The following GPR63 variants were observed in gnomAD, a reference collection of about 807,000 sequenced individuals.
GPR63 encodes the protein probable G protein-coupled receptor 63.
In GPR63, 12 loss-of-function variants were observed where a neutral mutation model predicts 23.1. The ratio of observed to expected loss-of-function variants is 0.52; its 90% CI spans 0.33 to 0.84. The LOEUF (loss-of-function observed/expected upper bound fraction) is 0.84, where lower values mean the gene tolerates loss of function less well. GPR63 is among the 40% of genes least tolerant of loss of function. The pLI is 0.02. For synonymous variants in GPR63, 172 were observed against 191.1 expected, an observed-to-expected ratio of 0.90 and a Z score of 0.82; for missense variants, 472 against 515.6, an observed-to-expected ratio of 0.92 and a Z score of 0.82.
intron 1 of GPR63, among the ~76,000 whole-genome samples, chr6:96,823,127 T>A (rs1012562345): frequency 1.3e-5 from 2 of 152,216 alleles, no homozygotes; most frequent in African/African-American, 4.8e-5. Context: ...ACAAACATAA[T>A]AAAGGATGTT....
chr6:96,814,233 T>C (rs1166773534), intron 1 of GPR63, among the ~76,000 whole-genome samples: 1 of 152,092 alleles, frequency 6.6e-6, no homozygotes. Context: ...AAGGAAACTA[T>C]GTAACTTGCC....
intron 1 of GPR63, among the ~76,000 whole-genome samples, chr6:96,804,122 T>C (rs777545212): frequency 3.9e-5 from 6 of 152,216 alleles, no homozygotes; most frequent in Non-Finnish European, 7.3e-5. Context: ...TGGAGTGTTT[T>C]ATATTTGGAG....
chr6:96,830,376 T>C (rs923628818), intron 1 of GPR63, among the ~76,000 whole-genome samples: 1 of 152,220 alleles, frequency 6.6e-6, no homozygotes, highest in African/African-American at 2.4e-5. Flanking sequence ...AAAATTTACC[T>C]GTTTAACCTA....
intron 1 of GPR63, among the ~76,000 whole-genome samples, chr6:96,808,291 C>T (rs966913017): frequency 1.3e-5 from 2 of 151,986 alleles, no homozygotes; most frequent in Non-Finnish European, 2.9e-5. Flanking sequence ...ATGAAAAATA[C>T]AAATACTTTT....
intron 1 of GPR63, among the ~76,000 whole-genome samples, chr6:96,801,044 C>T (rs1582246570): frequency 1.3e-5 from 2 of 152,036 alleles, no homozygotes; most frequent in Non-Finnish European, 1.5e-5. Flanking sequence ...TTTTTCCTTC[C>T]GTAGGTCTTT....
chr6:96,798,869 G>C lies in GPR63; in HGVS notation c.863C>G (p.Ala288Gly), dbSNP rs1773670029. 2 of 1,614,180 alleles carry C rather than the reference G, an allele frequency of 1.2e-6. No homozygotes were observed. The highest frequency in any genetic ancestry group is 8.5e-7 in the Non-Finnish European group (1 of 1,180,038). The change falls in exon 2 of 2, where the codon GCC becomes GGC. Residue 288 changes from alanine to glycine, a missense_variant. Ala to Gly is a moderately conservative substitution (Grantham distance 60). Transcript: ENST00000229955. The part of the protein sequence containing the change: ...SYPEGICLSQ[A>G]SKLGLMSLQR... Reference sequence around the variant, plus strand: ...CAGACTCATGAGACCCAGTTTGCTGGCCTGGCTGAGGCATATACCTTCAGG... The same window carrying C: ...CAGACTCATGAGACCCAGTTTGCTGCCCTGGCTGAGGCATATACCTTCAGG...
intron 1 of GPR63, among the ~76,000 whole-genome samples, chr6:96,817,988 T>C (rs1774206119): frequency 6.6e-6 from 1 of 151,734 alleles, no homozygotes; most frequent in East Asian, 1.9e-4. Flanking sequence ...TCTAGAAATT[T>C]TACTTCTCAG....
intron 1 of GPR63, among the ~76,000 whole-genome samples, chr6:96,823,285 G>A (rs1268521276): frequency 6.6e-6 from 1 of 152,072 alleles, no homozygotes; most frequent in African/African-American, 2.4e-5. Context: ...AGGAGATGAC[G>A]GCTCCATGTG....
rs61749012 is a variant in GPR63 at position 96,798,547 on chromosome 6, C to T, written c.1185G>A (p.Gln395=). ...MMPKSFKFLP[Q]LPGHTKRRIR... Reference sequence around the variant, plus strand: ...TCCGTCGCTTTGTGTGACCAGGGAGCTGCGGCAAAAACTTGAAGGACTTAG... The same window carrying T: ...TCCGTCGCTTTGTGTGACCAGGGAGTTGCGGCAAAAACTTGAAGGACTTAG... Residue 395 remains glutamine (Q), a synonymous_variant, in exon 2 of 2, where the codon CAG becomes CAA. Coordinates refer to ENST00000229955, the MANE Select transcript of GPR63 (RefSeq NM_030784.4). 1.1e-4 allele frequency: 173 copies of T among 1,614,190 alleles called. No individual in the cohort carries two copies. In the African/African-American group the frequency reaches 1.9e-3, roughly 18 times the overall value.
intron 1 of GPR63, among the ~76,000 whole-genome samples, chr6:96,810,100 C>A (rs1045933311): frequency 1.3e-5 from 2 of 152,082 alleles, no homozygotes; most frequent in Non-Finnish European, 2.9e-5. Context: ...TAGAATTCTA[C>A]GTGATAAAAA....
chr6:96,832,804 A>C (rs1211156797), intron 1 of GPR63, among the ~76,000 whole-genome samples: 1 of 151,820 alleles, frequency 6.6e-6, no homozygotes, highest in Non-Finnish European at 1.5e-5. Flanking sequence ...TAAAAAAAAA[A>C]CAGATTTGAA....
intron 1 of GPR63, among the ~76,000 whole-genome samples, chr6:96,800,083 A>G (rs1773723596): frequency 6.6e-6 from 1 of 152,208 alleles, no homozygotes; most frequent in Non-Finnish European, 1.5e-5. Flanking sequence ...ATTTCATGAC[A>G]TTCATATATA....
intron 1 of GPR63, among the ~76,000 whole-genome samples, chr6:96,829,675 G>C (rs1303843336): frequency 2.0e-5 from 3 of 152,150 alleles, no homozygotes; most frequent in Non-Finnish European, 4.4e-5. Context: ...ACTCCAGCCA[G>C]GACAAAGGAA....
intron 1 of GPR63, among the ~76,000 whole-genome samples, chr6:96,835,995 T>C (rs1168971308): frequency 6.6e-6 from 1 of 152,204 alleles, no homozygotes; most frequent in Non-Finnish European, 1.5e-5. Context: ...ATGATCTGAA[T>C]GCTCATAATT....
At chr6:96,837,078 G>C (rs1256500733) in intron 1 of GPR63, among the ~76,000 whole-genome samples, 190 bp downstream of exon 1, 1 of 152,172 alleles carries the variant, frequency 6.6e-6, no homozygotes, top group Non-Finnish European at 1.5e-5. Flanking sequence ...CTCCAGTCCA[G>C]CTGCAAAAAC....
At chr6:96,811,309 G>A (rs993579604) in intron 1 of GPR63, among the ~76,000 whole-genome samples, 6 of 152,190 alleles carry the variant, frequency 3.9e-5, no homozygotes, top group African/African-American at 7.2e-5. Flanking sequence ...TAACCCACGC[G>A]TTCCAGCCAA....
intron 1 of GPR63, among the ~76,000 whole-genome samples, chr6:96,824,273 A>T (rs1281820442): frequency 6.6e-6 from 1 of 152,094 alleles, no homozygotes; most frequent in Non-Finnish European, 1.5e-5. Context: ...GTCCTGAAAA[A>T]AAGTCTTCTA....
At chr6:96,832,526 G>T (rs1774614379) in intron 1 of GPR63, among the ~76,000 whole-genome samples, 1 of 151,722 alleles carries the variant, frequency 6.6e-6, no homozygotes, top group Admixed American at 6.6e-5. Context: ...TCCCGCCTCG[G>T]CCTCCCAAAG....
At chr6:96,833,212 T>C (rs1468388653) in intron 1 of GPR63, among the ~76,000 whole-genome samples, 2 of 152,186 alleles carry the variant, frequency 1.3e-5, no homozygotes, top group African/African-American at 2.4e-5. Context: ...TTTTCCCTCT[T>C]GAAGACAATG....
Sources: allele counts gnomAD v4.1 joint callset (sites outside exome capture counted in the v4.1 genomes callset), GRCh38; gene constraint gnomAD v4.1.1; transcripts MANE v1.5; gene names NCBI Gene and HGNC (gene_info 2026-07-23, HGNC 2026-07-21).